CBFA2T3: variants seen among roughly 807,000 people sequenced by gnomAD.
CBFA2T3 encodes the protein transcriptional corepressor CBFA2T3.
A neutral mutation model predicts 58.6 loss-of-function variants in CBFA2T3; 31 were observed. The ratio of observed to expected loss-of-function variants is 0.53; its 90% CI spans 0.40 to 0.71. The LOEUF is 0.71. Ranked by LOEUF, CBFA2T3 falls within the 30% of genes least tolerant of loss-of-function variation. The pLI is 0.00. For synonymous variants in CBFA2T3, 531 were observed against 421.9 expected (o/e 1.26, Z -3.17); for missense variants, 1,076 against 963.1 (o/e 1.12, Z -1.55).
chr16:88,908,248 C>A (rs150403560), intron 1 of CBFA2T3, among the ~76,000 whole-genome samples: 1 of 151,646 alleles, frequency 6.6e-6, no homozygotes, highest in Non-Finnish European at 1.5e-5. Flanking sequence ...AGGCTGAGGC[C>A]GGAGAATTAC....
chr16:88,913,741 G>A (rs752867321), intron 1 of CBFA2T3, among the ~76,000 whole-genome samples: 89 of 152,296 alleles, frequency 5.8e-4, no homozygotes, highest in Non-Finnish European at 1.0e-3. Flanking sequence ...TCACAGCATC[G>A]TTTATGAGAA....
chr16:88,888,607 G>GGGTGT (rs1969495731), intron 5 of CBFA2T3, among the ~76,000 whole-genome samples: 2 of 101,038 alleles, frequency 2.0e-5, no homozygotes, highest in Non-Finnish European at 4.2e-5. Flanking sequence ...GTGGGTGGGA[G>GGGTGT]GGGTGGGGTG....
intron 5 of CBFA2T3, among the ~76,000 whole-genome samples, 154 bp downstream of exon 5, chr16:88,891,728 G>A (rs2142581885): frequency 6.6e-6 from 1 of 152,050 alleles, no homozygotes; most frequent in East Asian, 1.9e-4. Context: ...TCCCAGGTTG[G>A]CCAAGATCGA....
intron 1 of CBFA2T3, among the ~76,000 whole-genome samples, chr16:88,943,786 G>A (rs1051554130): frequency 4.6e-5 from 7 of 152,200 alleles, no homozygotes; most frequent in Non-Finnish European, 7.3e-5. Context: ...CCCTGGATGC[G>A]GCCAAGTCAC....
intron 1 of CBFA2T3, among the ~76,000 whole-genome samples, chr16:88,925,529 A>G (rs4039572): frequency 0.11 from 16,395 of 152,128 alleles, 1,853 homozygotes; most frequent in African/African-American, 0.29. Context: ...ATCCCAGCAG[A>G]AGGACGACTC....
chr16:88,919,082 A>G (rs1304362043), intron 1 of CBFA2T3, among the ~76,000 whole-genome samples: 3 of 152,210 alleles, frequency 2.0e-5, no homozygotes, highest in African/African-American at 7.2e-5. Context: ...TGGTCGAAGC[A>G]AGCATTAGGT....
In CBFA2T3 at chr16:88,882,589, T is replaced by G. The variant is rs202064610; in HGVS notation, c.1203+87A>C. On this transcript the variant is annotated intron_variant, in intron 8 of 11. Transcript: ENST00000268679. The stretch of plus-strand genomic sequence containing the variant: ...GCATGGCTGTGGGCGTGGCTGTGTG[T>G]GCATGGCTGTGTGTGCGTGGCTGTG... 1.2e-3 allele frequency: 508 copies of G among 424,860 alleles called. 2 individuals carry two copies. In the East Asian group the frequency reaches 0.043, roughly 36 times the overall value. The allele number at this position is 424,860 out of a possible 1,614,324, so 26.3% of individuals were successfully genotyped here.
chr16:88,888,179 T>C (rs1969459104), intron 5 of CBFA2T3, among the ~76,000 whole-genome samples: 1 of 151,658 alleles, frequency 6.6e-6, no homozygotes, highest in Non-Finnish European at 1.5e-5. Flanking sequence ...AGGGCTGGGG[T>C]TCCAGCCAAG....
chr16:88,885,939 G>A lies in CBFA2T3; in HGVS notation c.893+22C>T. ...GCGTGTCCACGGCACCCCCAGCCCA[G>A]ATCCCCGGAGCCCACAGGTACCTGT... On this transcript the variant is annotated intron_variant, in intron 6 of 11. Transcript: ENST00000268679. The surrounding 1 kb of genome is among the most constrained non-coding windows in gnomAD (Gnocchi z 5.3). 4 of 1,545,222 alleles carry A rather than the reference G, an allele frequency of 2.6e-6. No individual in the cohort carries two copies. Among genetic ancestry groups the A allele is most frequent in the Non-Finnish European group, 2.6e-6 (3 of 1,145,300 alleles).
intron 1 of CBFA2T3, among the ~76,000 whole-genome samples, chr16:88,925,855 G>A (rs1014370250): frequency 6.6e-6 from 1 of 152,240 alleles, no homozygotes; most frequent in Admixed American, 6.5e-5. Flanking sequence ...GACATGGGTG[G>A]CACTGCGGAG....
chr16:88,947,851 C>G (rs1447918295), intron 1 of CBFA2T3, among the ~76,000 whole-genome samples: 1 of 152,164 alleles, frequency 6.6e-6, no homozygotes, highest in African/African-American at 2.4e-5. Flanking sequence ...GAGGTTAAGG[C>G]TGCAGGGAGC....
chr16:88,975,555 G>A (rs1972835002), intron 1 of CBFA2T3, among the ~76,000 whole-genome samples: 2 of 152,268 alleles, frequency 1.3e-5, no homozygotes, highest in South Asian at 2.1e-4. Context: ...CTCCAGAGAG[G>A]ACGGGATGGC....
At chr16:88,877,344 C>A (rs1280654309) in intron 11 of CBFA2T3, 69 bp from the exon 12 acceptor site, 2 of 1,321,342 alleles carry the variant, frequency 1.5e-6, no homozygotes, top group Admixed American at 2.4e-5. Flanking sequence ...ACGCCTCAAC[C>A]AAGCCATTCA....
chr16:88,943,926 G>A (rs969270365), intron 1 of CBFA2T3, among the ~76,000 whole-genome samples: 9 of 152,324 alleles, frequency 5.9e-5, no homozygotes, highest in African/African-American at 2.2e-4. Flanking sequence ...CAGGACCTCG[G>A]AGGGCCACAC....
At chr16:88,957,157 C>G (rs1048223728) in intron 1 of CBFA2T3, among the ~76,000 whole-genome samples, 1 of 152,222 alleles carries the variant, frequency 6.6e-6, no homozygotes, top group Non-Finnish European at 1.5e-5. Flanking sequence ...CATCATCACA[C>G]GAGATTGGTT....
At chr16:88,923,262 G>C (rs550583637) in intron 1 of CBFA2T3, among the ~76,000 whole-genome samples, 6 of 152,110 alleles carry the variant, frequency 3.9e-5, no homozygotes, top group Admixed American at 2.0e-4. Context: ...CCTGTGAAAC[G>C]GGGGGGACCC....
At position 88,976,967 on chromosome 16, in the gene CBFA2T3, G is replaced by T; in HGVS notation, c.-160C>A. The stretch of plus-strand genomic sequence containing the variant: ...GTCCCTGGAAAGCCGAGGCCCTCCC[G>T]GCCACCAACTGGGTGTCCTCTGCCC... On this transcript the variant is annotated 5_prime_UTR_variant, in exon 1 of 12. Transcript: ENST00000268679. The T allele has an allele frequency of 1.2e-6, 1 of 817,570 alleles. No homozygotes were observed. Among genetic ancestry groups the T allele is most frequent in the Non-Finnish European group, 1.9e-6 (1 of 538,616 alleles). The allele number at this position is 817,570 out of a possible 1,614,324, so 50.6% of individuals were successfully genotyped here. A position where few individuals can be genotyped will look rare whatever the true frequency, so the allele number is the denominator to read the frequency against.
chr16:88,902,286 C>T (rs1227178723), intron 1 of CBFA2T3: 1 of 152,296 alleles, frequency 6.6e-6, no homozygotes, highest in African/African-American at 2.4e-5. Context: ...GTCTTCTGCC[C>T]CGGTGATTCA....
At chr16:88,951,884 T>G (rs1972083262) in intron 1 of CBFA2T3, among the ~76,000 whole-genome samples, 1 of 152,216 alleles carries the variant, frequency 6.6e-6, no homozygotes, top group Admixed American at 6.5e-5. Flanking sequence ...CTGTGGGGCC[T>G]GAAACCGGTG....
Sources: allele counts gnomAD v4.1 joint callset (sites outside exome capture counted in the v4.1 genomes callset), GRCh38; gene constraint gnomAD v4.1.1; non-coding constraint Gnocchi (gnomAD v3.1); transcripts MANE v1.5; gene names NCBI Gene and HGNC (gene_info 2026-07-23, HGNC 2026-07-21).